The following LRRC1 variants were observed in gnomAD, a reference collection of about 807,000 sequenced individuals.
The protein encoded by LRRC1 is leucine-rich repeat-containing protein 1.
A neutral mutation model predicts 69.9 loss-of-function variants in LRRC1; 28 were observed. The ratio of observed to expected loss-of-function variants is 0.40; its 90% CI spans 0.30 to 0.55. The LOEUF (loss-of-function observed/expected upper bound fraction) is 0.55. LRRC1 is among the 20% of genes least tolerant of loss of function. The pLI, the probability that LRRC1 is intolerant of heterozygous loss-of-function variation, is 0.47. For synonymous variants in LRRC1, 236 were observed against 240.2 expected (o/e 0.98, Z 0.16); for missense variants, 498 against 609.0 (o/e 0.82, Z 1.92).
At chr6:53,802,399 T>C (rs1457320968) in intron 1 of LRRC1, among the ~76,000 whole-genome samples, 1 of 152,190 alleles carries the variant, frequency 6.6e-6, no homozygotes, top group East Asian at 1.9e-4. Context: ...CTGCTGCTCT[T>C]TCTACTATGC....
intron 1 of LRRC1, among the ~76,000 whole-genome samples, chr6:53,804,595 A>G (rs77488414): frequency 0.017 from 2,570 of 152,324 alleles, 59 homozygotes; most frequent in African/African-American, 0.051. Flanking sequence ...TGCGAGTGCT[A>G]TAGTATTCCA....
chr6:53,816,516 G>A (rs1764954260), intron 1 of LRRC1, among the ~76,000 whole-genome samples: 2 of 152,138 alleles, frequency 1.3e-5, no homozygotes, highest in African/African-American at 4.8e-5. Flanking sequence ...TAAGTGCCAA[G>A]TGACTATAGA....
In LRRC1 at chr6:53,921,364, CT is replaced by C. The variant is rs373096570; in HGVS notation, c.1416+612del. 2.7e-4 allele frequency among the ~76,000 whole-genome samples: 41 copies of C among 151,642 alleles called. No individual in the cohort carries two copies. The East Asian group carries it at 4.6e-3, about 17-fold the overall frequency. ...CCACTGTTTTCTTAACATGGAGAAA[CT>C]TTTTTTTTAATTGTTCCCAGTGAAT... is the stretch of plus-strand genomic sequence containing the variant. On this transcript the variant is annotated intron_variant, in intron 13 of 13. Coordinates refer to ENST00000370888, the MANE Select transcript of LRRC1 (RefSeq NM_018214.5).
In LRRC1 at chr6:53,814,790, A is replaced by T. The variant is rs185370126; in HGVS notation, c.159+19375A>T. Among the ~76,000 whole-genome samples, 220 of 152,302 alleles carry T rather than the reference A, an allele frequency of 1.4e-3. 1 individual carries two copies. The highest frequency in any genetic ancestry group is 2.8e-3 in the Non-Finnish European group (192 of 68,030). On this transcript the variant is annotated intron_variant, in intron 1 of 13. Coordinates refer to ENST00000370888, the MANE Select transcript of LRRC1 (RefSeq NM_018214.5). ...ATTGGCCTTTGAAATACTAAGATAGACTTTGAAACCTGCATTACTGTCTTT... is the reference window on the plus strand; with the variant it reads ...ATTGGCCTTTGAAATACTAAGATAGTCTTTGAAACCTGCATTACTGTCTTT...
Position 53,913,900 on chromosome 6 carries a change from G to C in LRRC1, c.1037G>C (p.Arg346Thr), listed in dbSNP as rs759086835. Residue 346 changes from arginine (R) to threonine (T), a missense_variant, in exon 11 of 14, where the codon AGA becomes ACA. Arg to Thr is a moderately conservative substitution (Grantham distance 71). This residue lies in a region of LRRC1 where 266 missense variants were observed against 383.9 expected (regional missense o/e 0.69). Coordinates refer to ENST00000370888, the MANE Select transcript of LRRC1 (RefSeq NM_018214.5). ...ACTGTGTTCTGTGTACGTGACAACA[G>C]ACTAACTCGGATACCTGCAGAGGTG... ...SLTVFCVRDN[R>T]LTRIPAEVSQ... 8.7e-6 allele frequency: 14 copies of C among 1,612,856 alleles called. No individual in the cohort carries two copies. The Admixed American group carries it at 1.0e-4, about 12-fold the overall frequency.
Position 53,924,009 on chromosome 6 carries a change from CTT to C in LRRC1, c.*1221_*1222del, listed in dbSNP as rs373224212. 6.5e-6 allele frequency: 1 copy of C among 152,682 alleles called. No individual in the cohort carries two copies. The highest frequency in any genetic ancestry group is 2.4e-5 in the African/African-American group (1 of 41,554). 9.5% of individuals were successfully genotyped at this position (152,682 alleles called of 1,614,324 possible). On this transcript the variant is annotated 3_prime_UTR_variant, in exon 14 of 14. Coordinates refer to ENST00000370888, the MANE Select transcript of LRRC1 (RefSeq NM_018214.5). ...AGTTTTGGTGTGTTTCTGTTGATTT[CTT>C]TTTTGTATGCTGTGATAAAAGAGAA...
At chr6:53,796,437 T>C (rs143212955) in intron 1 of LRRC1, among the ~76,000 whole-genome samples, 186 of 152,284 alleles carry the variant, frequency 1.2e-3, no homozygotes, top group African/African-American at 4.4e-3. Flanking sequence ...GGGAGACTGC[T>C]GGCAGTCGGG....
At chr6:53,851,959 C>G (rs139708281) in intron 2 of LRRC1, among the ~76,000 whole-genome samples, 79 of 152,326 alleles carry the variant, frequency 5.2e-4, no homozygotes, top group African/African-American at 1.7e-3. Flanking sequence ...GTTTTAAAAA[C>G]TACATTCTTA....
At chr6:53,848,229 C>G (rs535504943) in intron 2 of LRRC1, among the ~76,000 whole-genome samples, 1 of 152,226 alleles carries the variant, frequency 6.6e-6, no homozygotes, top group Non-Finnish European at 1.5e-5. Context: ...CAAATATATC[C>G]GCTTTCCCAT....
At chr6:53,860,531 A>ATC (rs59847260) in intron 2 of LRRC1, among the ~76,000 whole-genome samples, 129,048 of 152,002 alleles carry the variant, frequency 0.85, 54,875 homozygotes, top group East Asian at 0.96. Flanking sequence ...TTCTGGTTTA[A>ATC]TCTTTTTTAA....
chr6:53,860,210 C>G lies in LRRC1; in HGVS notation c.277+17983C>G, dbSNP rs754444104. Among the ~76,000 whole-genome samples the G allele has an allele frequency of 7.9e-5, 12 of 152,310 alleles. No homozygotes were observed. The East Asian group carries it at 2.3e-3, about 29-fold the overall frequency. ...CAGTACTGGTTCTGCAAAATTTTCT[C>G]ATAACAGTACGTCATAAGCACCACT... On this transcript the variant is annotated intron_variant, in intron 2 of 13. Transcript: ENST00000370888.
intron 2 of LRRC1, among the ~76,000 whole-genome samples, chr6:53,856,242 A>G (rs1766304921): frequency 6.6e-6 from 1 of 152,240 alleles, no homozygotes. Context: ...TTATTCTTTC[A>G]TGAACATTTA....
intron 1 of LRRC1, among the ~76,000 whole-genome samples, chr6:53,816,284 T>C (rs1024039427): frequency 3.3e-5 from 5 of 152,220 alleles, no homozygotes; most frequent in African/African-American, 1.2e-4. Context: ...GATTCTTGGC[T>C]TGGTAATTAT....
At chr6:53,922,609 ACACT>A (rs770421531) in intron 13 of LRRC1, 22 bp from the exon 14 acceptor site, 2 of 1,585,334 alleles carry the variant, frequency 1.3e-6, no homozygotes, top group South Asian at 1.1e-5. Flanking sequence ...TAAAACCAAA[ACACT>A]CACTCCACTG....
At chr6:53,898,661 G>A (rs902209758) in intron 7 of LRRC1, among the ~76,000 whole-genome samples, 2 of 152,154 alleles carry the variant, frequency 1.3e-5, no homozygotes, top group Non-Finnish European at 2.9e-5. Flanking sequence ...AATGATGATG[G>A]AAAGAGAAAG....
chr6:53,910,941 G>A (rs193096342), intron 10 of LRRC1, among the ~76,000 whole-genome samples: 63 of 152,344 alleles, frequency 4.1e-4, no homozygotes, highest in African/African-American at 1.4e-3. Flanking sequence ...TTGGAAAGAG[G>A]GCTGTGTTTA....
chr6:53,797,488 C>G (rs1764335710), intron 1 of LRRC1, among the ~76,000 whole-genome samples: 1 of 152,164 alleles, frequency 6.6e-6, no homozygotes, highest in African/African-American at 2.4e-5. Flanking sequence ...TATCTGTTGT[C>G]TCACCTCTGA....
intron 2 of LRRC1, among the ~76,000 whole-genome samples, chr6:53,842,673 G>A (rs1379957164): frequency 6.6e-6 from 1 of 152,142 alleles, no homozygotes; most frequent in Admixed American, 6.5e-5. Context: ...CTTGGGTGCT[G>A]CTGTGGCAAG....
intron 13 of LRRC1, among the ~76,000 whole-genome samples, chr6:53,921,169 T>A (rs1395158566): frequency 2.6e-5 from 4 of 152,102 alleles, no homozygotes. Flanking sequence ...CGTTTCACCA[T>A]GTTGTCCAGG....
Sources: gnomAD v4.1 joint callset for allele counts (sites outside exome capture counted in the v4.1 genomes callset) on GRCh38, gnomAD v4.1.1 for gene constraint, gnomAD v4.1.1 regional missense constraint, MANE v1.5 for transcripts, NCBI Gene and HGNC (gene_info 2026-07-23, HGNC 2026-07-21) for gene names.